The following PDE1C variants were observed in gnomAD, a reference collection of about 807,000 sequenced individuals.
PDE1C encodes the protein dual specificity calcium/calmodulin-dependent 3',5'-cyclic nucleotide phosphodiesterase 1C.
A neutral mutation model predicts 93.1 loss-of-function variants in PDE1C; 62 were observed. The ratio of observed to expected loss-of-function variants is 0.67; its 90% CI spans 0.54 to 0.82. The LOEUF (loss-of-function observed/expected upper bound fraction) is 0.82. Among genes scored for constraint, PDE1C ranks in the 40% least tolerant of loss-of-function variants. The pLI, the probability that PDE1C is intolerant of heterozygous loss-of-function variation, is 0.00. For synonymous variants in PDE1C, 325 were observed against 310.1 expected, an observed-to-expected ratio of 1.05 and a Z score of -0.50; for missense variants, 742 against 884.6, an observed-to-expected ratio of 0.84 and a Z score of 2.04.
At chr7:32,016,903 G>A (rs770637609) in intron 2 of PDE1C, among the ~76,000 whole-genome samples, 1 of 152,156 alleles carries the variant, frequency 6.6e-6, no homozygotes, top group African/African-American at 2.4e-5. Flanking sequence ...GACACAGTCA[G>A]GCACAGCATG....
intron 1 of PDE1C, among the ~76,000 whole-genome samples, chr7:32,243,030 T>C: frequency 6.6e-6 from 1 of 152,138 alleles, no homozygotes; most frequent in East Asian, 1.9e-4. Context: ...ATGGATGACC[T>C]TGGCCTTGCT....
At chr7:32,281,069 A>G (rs1272080548) in intron 1 of PDE1C, among the ~76,000 whole-genome samples, 1 of 152,236 alleles carries the variant, frequency 6.6e-6, no homozygotes, top group Non-Finnish European at 1.5e-5. Context: ...TTAAATTAAT[A>G]TTTTAAATCA....
At chr7:32,000,692 C>T (rs1237967305) in intron 2 of PDE1C, among the ~76,000 whole-genome samples, 2 of 152,148 alleles carry the variant, frequency 1.3e-5, no homozygotes, top group African/African-American at 2.4e-5. Flanking sequence ...TCCCATGGGA[C>T]TCTTCATATC....
At chr7:32,041,024 T>G (rs1791742183) in intron 2 of PDE1C, among the ~76,000 whole-genome samples, 1 of 152,122 alleles carries the variant, frequency 6.6e-6, no homozygotes, top group South Asian at 2.1e-4. Flanking sequence ...TCCACCTGTA[T>G]CATCTCAAAG....
chr7:32,367,850 G>A (rs1233416248), intron 1 of PDE1C, among the ~76,000 whole-genome samples: 4 of 152,018 alleles, frequency 2.6e-5, no homozygotes, highest in Non-Finnish European at 5.9e-5. Context: ...GGCTGAGGTA[G>A]AAGGATTGCT....
At chr7:32,074,420 T>A (rs2128731001), upstream of PDE1C, among the ~76,000 whole-genome samples, 1 of 152,312 alleles carries the variant, frequency 6.6e-6, no homozygotes, top group Non-Finnish European at 1.5e-5. Flanking sequence ...TACTTTAGCA[T>A]AGTTTAATTA....
chr7:32,077,338 G>C (rs570485320), intron 3 of PDE1C, among the ~76,000 whole-genome samples: 1 of 152,226 alleles, frequency 6.6e-6, no homozygotes, highest in Admixed American at 6.5e-5. Context: ...CATCCATCTG[G>C]CAGGACACAA....
intron 2 of PDE1C, among the ~76,000 whole-genome samples, chr7:32,008,842 G>C (rs1488263195): frequency 6.6e-6 from 1 of 152,076 alleles, no homozygotes; most frequent in Non-Finnish European, 1.5e-5. Flanking sequence ...GAAATGTATT[G>C]ATTAAGTTAC....
chr7:32,044,278 A>G (rs1463200637), intron 2 of PDE1C, among the ~76,000 whole-genome samples: 1 of 152,204 alleles, frequency 6.6e-6, no homozygotes, highest in African/African-American at 2.4e-5. Context: ...TGGAAAGAAT[A>G]TGAAAGAAGA....
intron 14 of PDE1C, among the ~76,000 whole-genome samples, chr7:31,818,112 T>C (rs990126681): frequency 6.6e-6 from 1 of 152,186 alleles, no homozygotes; most frequent in African/African-American, 2.4e-5. Context: ...ATTTAAATGT[T>C]AAATGTTTGC....
intron 2 of PDE1C, among the ~76,000 whole-genome samples, chr7:32,014,094 T>C (rs938935857): frequency 1.3e-5 from 2 of 152,228 alleles, no homozygotes; most frequent in Non-Finnish European, 2.9e-5. Context: ...GCAAAGAGAC[T>C]GGTCGGGATA....
intron 2 of PDE1C, among the ~76,000 whole-genome samples, chr7:31,975,771 G>T (rs866124573): frequency 2.6e-5 from 4 of 152,106 alleles, no homozygotes; most frequent in African/African-American, 9.7e-5. Flanking sequence ...GATTAGCCAC[G>T]TAAAGTTGTG....
chr7:31,836,632 C>T (rs190492576), intron 11 of PDE1C, among the ~76,000 whole-genome samples: 44 of 152,096 alleles, frequency 2.9e-4, no homozygotes, highest in Admixed American at 2.7e-3. Flanking sequence ...TGCACCAGAC[C>T]GATCCTGCCT....
chr7:32,216,109 C>T (rs1485364163), intron 1 of PDE1C, among the ~76,000 whole-genome samples: 1 of 152,204 alleles, frequency 6.6e-6, no homozygotes, highest in Non-Finnish European at 1.5e-5. Context: ...TTGACCTCAC[C>T]TTGTCTTACC....
intron 2 of PDE1C, 66 bp from the exon 3 acceptor site, chr7:31,880,926 G>C: frequency 1.0e-6 from 1 of 984,234 alleles, no homozygotes; most frequent in East Asian, 2.4e-5. Context: ...TACAACTATG[G>C]TGATACATTT....
At chr7:32,158,563 T>A (rs1801717180) in intron 3 of PDE1C, among the ~76,000 whole-genome samples, 1 of 152,118 alleles carries the variant, frequency 6.6e-6, no homozygotes, top group African/African-American at 2.4e-5. Flanking sequence ...GGAAAGCATA[T>A]TTTCACAAGT....
intron 1 of PDE1C, among the ~76,000 whole-genome samples, chr7:32,296,690 A>C (rs769264533): frequency 4.6e-5 from 7 of 152,274 alleles, no homozygotes; most frequent in Non-Finnish European, 1.0e-4. Flanking sequence ...TTAGAAAGCC[A>C]CACTTTGAAG....
chr7:31,691,797 TAAAAAAAAA>T, the PDE1C span, among the ~76,000 whole-genome samples: 5 of 86,560 alleles, frequency 5.8e-5, no homozygotes, highest in Admixed American at 1.4e-4. Context: ...ATGTAATGAT[TAAAAAAAAA>T]AAAAAAAAAA....
chr7:32,078,002 C>A, intron 3 of PDE1C: 2 of 985,384 alleles, frequency 2.0e-6, no homozygotes, highest in Non-Finnish European at 2.4e-6. Context: ...CGTGGACATT[C>A]TGCCTCTCAG....
Sources: gnomAD v4.1 joint callset for allele counts (sites outside exome capture counted in the v4.1 genomes callset) on GRCh38, gnomAD v4.1.1 for gene constraint, MANE v1.5 for transcripts, NCBI Gene and HGNC (gene_info 2026-07-23, HGNC 2026-07-21) for gene names.